Variants in CDH12 observed in about 807,000 individuals in gnomAD.
CDH12 encodes the protein cadherin-12.
In CDH12, 41 loss-of-function variants were observed where a neutral mutation model predicts 74.1. The observed-to-expected ratio is 0.55, with a 90% CI of 0.43 to 0.72. The LOEUF (loss-of-function observed/expected upper bound fraction) is 0.72. CDH12 is among the 30% of genes least tolerant of loss of function. The pLI is 0.00. For synonymous variants in CDH12, 399 were observed against 355.0 expected, an observed-to-expected ratio of 1.12 and a Z score of -1.39; for missense variants, 945 against 977.2, an observed-to-expected ratio of 0.97 and a Z score of 0.44.
intron 1 of CDH12, among the ~76,000 whole-genome samples, chr5:22,525,837 C>T (rs1177803396): frequency 6.6e-6 from 1 of 152,164 alleles, no homozygotes; most frequent in Non-Finnish European, 1.5e-5. Context: ...ATGAGCATAA[C>T]TACCTATGTC....
At chr5:22,115,486 G>GT (rs374446426) in intron 4 of CDH12, among the ~76,000 whole-genome samples, 281 of 152,104 alleles carry the variant, frequency 1.8e-3, no homozygotes, top group African/African-American at 6.5e-3. Flanking sequence ...ACAGCACCAA[G>GT]TTTTTTACTG....
At chr5:22,293,552 G>A (rs1271302128) in intron 3 of CDH12, among the ~76,000 whole-genome samples, 1 of 151,932 alleles carries the variant, frequency 6.6e-6, no homozygotes, top group African/African-American at 2.4e-5. Context: ...CATTAGCCAA[G>A]ATATGAAATA....
At chr5:22,374,307 C>A (rs923165332) in intron 3 of CDH12, among the ~76,000 whole-genome samples, 10 of 152,000 alleles carry the variant, frequency 6.6e-5, no homozygotes, top group African/African-American at 2.2e-4. Context: ...AAGAAACATA[C>A]CTCAAAATAA....
rs567255671 is a variant in CDH12, at chr5:22,386,194, C to A, written c.-333+19063G>T. Reference sequence around the variant, plus strand: ...GGCGTGAGCCACTGCGCCCGGCCGGCTATACACTTTTAAACAACCAGATCT... The same window carrying A: ...GGCGTGAGCCACTGCGCCCGGCCGGATATACACTTTTAAACAACCAGATCT... On this transcript the variant is annotated intron_variant, in intron 3 of 14. Coordinates refer to ENST00000382254, the MANE Select transcript of CDH12 (RefSeq NM_004061.5). Among the ~76,000 whole-genome samples the A allele has an allele frequency of 1.1e-4, 16 of 152,140 alleles. No homozygotes were observed. The South Asian group carries it at 3.1e-3, about 30-fold the overall frequency.
chr5:21,928,516 T>G (rs1336937593), intron 6 of CDH12, among the ~76,000 whole-genome samples: 1 of 152,182 alleles, frequency 6.6e-6, no homozygotes, highest in Non-Finnish European at 1.5e-5. Flanking sequence ...CAAAGCACAC[T>G]CTAGACAATG....
chr5:22,049,412 T>A (rs1740190792), intron 5 of CDH12, among the ~76,000 whole-genome samples: 1 of 152,272 alleles, frequency 6.6e-6, no homozygotes, highest in Non-Finnish European at 1.5e-5. Flanking sequence ...ATGTTTCTAG[T>A]CCTCTTCCTT....
At chr5:22,385,758 C>T in intron 3 of CDH12, among the ~76,000 whole-genome samples, 1 of 151,988 alleles carries the variant, frequency 6.6e-6, no homozygotes, top group East Asian at 1.9e-4. Context: ...CTCATAATTC[C>T]ACAGGCTGTA....
chr5:22,435,471 C>T (rs1027588784), intron 2 of CDH12, among the ~76,000 whole-genome samples: 1 of 145,942 alleles, frequency 6.9e-6, no homozygotes, highest in Non-Finnish European at 1.5e-5. Flanking sequence ...TGTGTGTACA[C>T]ACACATATAT....
chr5:22,582,647 C>T (rs945234093), intron 1 of CDH12, among the ~76,000 whole-genome samples: 1 of 152,108 alleles, frequency 6.6e-6, no homozygotes, highest in African/African-American at 2.4e-5. Context: ...TATTGTCAAA[C>T]CATGTCATGT....
intron 2 of CDH12, among the ~76,000 whole-genome samples, chr5:22,436,124 T>G (rs1744376573): frequency 6.6e-6 from 1 of 151,310 alleles, no homozygotes; most frequent in South Asian, 2.1e-4. Context: ...TGCAGGGACA[T>G]GGATGAAGCT....
chr5:21,961,150 A>G (rs1230195388), intron 6 of CDH12, among the ~76,000 whole-genome samples: 1 of 152,142 alleles, frequency 6.6e-6, no homozygotes, highest in Non-Finnish European at 1.5e-5. Context: ...ATCTTCAACT[A>G]TGACTGAAAG....
At chr5:22,602,403 A>G (rs558638527) in intron 1 of CDH12, among the ~76,000 whole-genome samples, 1 of 152,294 alleles carries the variant, frequency 6.6e-6, no homozygotes, top group Admixed American at 6.5e-5. Context: ...TTAGCTTATA[A>G]ATAACTAAAA....
intron 4 of CDH12, among the ~76,000 whole-genome samples, chr5:22,146,546 C>T (rs1408619719): frequency 2.0e-5 from 3 of 152,030 alleles, no homozygotes; most frequent in South Asian, 2.1e-4. Flanking sequence ...TACCCCATTA[C>T]GTTATTCCAT....
intron 2 of CDH12, among the ~76,000 whole-genome samples, chr5:22,445,541 T>A (rs1344883461): frequency 6.6e-6 from 1 of 152,172 alleles, no homozygotes; most frequent in East Asian, 1.9e-4. Flanking sequence ...TCACTTTAGT[T>A]CAGTCTCTCT....
rs181154636 is a variant in CDH12, at chr5:22,684,472, C to G, written c.-523+168586G>C. ...GTTAAAAGGTGAGGATCTAGATATACACTGATTGTGAGCACAGCCATTCAA... is the reference window on the plus strand; with the variant it reads ...GTTAAAAGGTGAGGATCTAGATATAGACTGATTGTGAGCACAGCCATTCAA... On this transcript the variant is annotated intron_variant, in intron 1 of 14. Transcript: ENST00000382254. Among the ~76,000 whole-genome samples the G allele has an allele frequency of 2.9e-4, 44 of 152,256 alleles. No individual in the cohort carries two copies. In the East Asian group the frequency reaches 4.8e-3, roughly 17 times the overall value.
intron 1 of CDH12, among the ~76,000 whole-genome samples, chr5:22,743,286 A>ATATATGTATATGTATATATATG (rs1745127219): frequency 1.4e-5 from 2 of 147,588 alleles, no homozygotes; most frequent in African/African-American, 4.9e-5. Context: ...ATATATGTAT[A>ATATATGTATATGTATATATATG]TATATGTATA....
intron 2 of CDH12, among the ~76,000 whole-genome samples, chr5:22,424,572 GT>G (rs1743811010): frequency 6.6e-6 from 1 of 152,152 alleles, no homozygotes; most frequent in South Asian, 2.1e-4. Flanking sequence ...ATAAATATTT[GT>G]TTTTAACCAT....
At position 22,272,468 on chromosome 5, in the gene CDH12, C is replaced by T. The variant is rs112560015; in HGVS notation, c.-332-59825G>A. 6.9e-3 allele frequency among the ~76,000 whole-genome samples: 1,044 copies of T among 152,250 alleles called. 4 individuals carry two copies. Among genetic ancestry groups the T allele is most frequent in the Admixed American group, 0.011 (162 of 15,280 alleles). ...TCACTGAAGTAGATCTTTTAATATG[C>T]TTTAAGGAAATTTTCTTTTGAATTC... On this transcript the variant is annotated intron_variant, in intron 3 of 14. Coordinates refer to ENST00000382254, the MANE Select transcript of CDH12 (RefSeq NM_004061.5).
At chr5:21,810,709 ATT>A (rs1236881111) in intron 9 of CDH12, among the ~76,000 whole-genome samples, 1 of 152,140 alleles carries the variant, frequency 6.6e-6, no homozygotes, top group Non-Finnish European at 1.5e-5. Context: ...GAAGACAAAT[ATT>A]TAGAAAAACA....
Sources: allele counts gnomAD v4.1 joint callset (sites outside exome capture counted in the v4.1 genomes callset), GRCh38; gene constraint gnomAD v4.1.1; transcripts MANE v1.5; gene names NCBI Gene and HGNC (gene_info 2026-07-23, HGNC 2026-07-21).